The following APOLD1 variants were observed in gnomAD, a reference collection of about 807,000 sequenced individuals.
APOLD1 encodes the protein apolipoprotein L domain-containing protein 1.
Under a neutral mutation model 15.3 loss-of-function variants are expected in APOLD1, and 22 were observed. That is an observed-to-expected ratio of 1.44 (90% confidence interval 1.03 to 2.05). The LOEUF (loss-of-function observed/expected upper bound fraction) is 2.05, where lower values mean the gene tolerates loss of function less well. Ranked by LOEUF, APOLD1 falls within the 30% of genes most tolerant of loss-of-function variation. The probability of loss-of-function intolerance (pLI) is 0.00; values close to 1 mark genes in which losing one functional copy is unlikely to be tolerated. For synonymous variants in APOLD1, 190 were observed against 167.4 expected, an observed-to-expected ratio of 1.13 and a Z score of -1.04; for missense variants, 394 against 353.5, an observed-to-expected ratio of 1.11 and a Z score of -0.92.
chr12:12,748,958 G>C (rs1398244429), intron 1 of APOLD1, among the ~76,000 whole-genome samples: 1 of 152,228 alleles, frequency 6.6e-6, no homozygotes, highest in Non-Finnish European at 1.5e-5. Flanking sequence ...ACAGGAGAAA[G>C]TACTCAGAGG....
At chr12:12,761,621 T>C (rs1269876853) in intron 1 of APOLD1, among the ~76,000 whole-genome samples, 1 of 152,038 alleles carries the variant, frequency 6.6e-6, no homozygotes, top group African/African-American at 2.4e-5. Context: ...GTTTCTAATA[T>C]ATAATTCAGT....
intron 1 of APOLD1, among the ~76,000 whole-genome samples, chr12:12,734,718 A>G (rs1946669832): frequency 1.3e-5 from 2 of 152,254 alleles, no homozygotes; most frequent in African/African-American, 4.8e-5. Flanking sequence ...AGGCTGAACA[A>G]TAAACGTTTA....
At chr12:12,762,896 A>G (rs140263759) in intron 1 of APOLD1, among the ~76,000 whole-genome samples, 2,150 of 152,220 alleles carry the variant, frequency 0.014, 55 homozygotes, top group African/African-American at 0.049. Flanking sequence ...CTGTAACCCC[A>G]GCACTTTGGG....
intron 1 of APOLD1, among the ~76,000 whole-genome samples, chr12:12,778,685 A>T (rs1379885221): frequency 6.6e-6 from 1 of 152,066 alleles, no homozygotes; most frequent in Non-Finnish European, 1.5e-5. Flanking sequence ...ATGCCAGTGG[A>T]TGTGATGGCT....
At chr12:12,782,111 T>C (rs1349516907), upstream of APOLD1, among the ~76,000 whole-genome samples, 1 of 151,844 alleles carries the variant, frequency 6.6e-6, no homozygotes, top group Non-Finnish European at 1.5e-5. Context: ...ATACAAAAAT[T>C]AGCTGGGCAT....
intron 1 of APOLD1, among the ~76,000 whole-genome samples, chr12:12,747,707 G>A (rs1254259486): frequency 1.3e-5 from 2 of 152,194 alleles, no homozygotes; most frequent in Non-Finnish European, 2.9e-5. Context: ...TAAAAAGGAG[G>A]AGGGGTGCTT....
intron 1 of APOLD1, among the ~76,000 whole-genome samples, chr12:12,736,348 T>A (rs1344211292): frequency 8.6e-6 from 1 of 116,054 alleles, no homozygotes; most frequent in African/African-American, 3.4e-5. Context: ...TGAGAGTCTG[T>A]CTCAAAAAAA....
chr12:12,729,881 T>C (rs929423737), intron 1 of APOLD1, among the ~76,000 whole-genome samples: 7 of 152,138 alleles, frequency 4.6e-5, no homozygotes, highest in African/African-American at 1.7e-4. Flanking sequence ...GGGACATTTT[T>C]TTTTGAGACC....
intron 1 of APOLD1, among the ~76,000 whole-genome samples, chr12:12,773,111 A>G (rs1947001331): frequency 6.6e-6 from 1 of 152,160 alleles, no homozygotes; most frequent in Non-Finnish European, 1.5e-5. Context: ...TGAAAAACAC[A>G]ACTTACCAAA....
chr12:12,791,264 C>T lies in APOLD1; in HGVS notation c.*3612C>T, dbSNP rs1477141338. 1 of 152,090 alleles carries T rather than the reference C, an allele frequency of 6.6e-6. No homozygotes were observed. The highest frequency in any genetic ancestry group is 1.5e-5 in the Non-Finnish European group (1 of 68,024). The allele number at this position is 152,090 out of a possible 1,614,324, so 9.4% of individuals were successfully genotyped here. A position where few individuals can be genotyped will look rare whatever the true frequency, so the allele number is the denominator to read the frequency against. On this transcript the variant is annotated 3_prime_UTR_variant, in exon 2 of 2. Transcript: ENST00000356591. ...AGAGAGGAGTGGTTGTAGAAGTCTCCCTAAATCAGACATGTCAAGCAATCA... is the reference window on the plus strand; with the variant it reads ...AGAGAGGAGTGGTTGTAGAAGTCTCTCTAAATCAGACATGTCAAGCAATCA...
At position 12,787,079 on chromosome 12, in the gene APOLD1, C is replaced by A. The variant is rs994671802; in HGVS notation, c.174C>A (p.Ala58=). 8 of 1,395,748 alleles carry A rather than the reference C, an allele frequency of 5.7e-6. No homozygotes were observed. The African/African-American group carries it at 6.1e-5, about 11-fold the overall frequency. The allele number at this position is 1,395,748 out of a possible 1,614,324, so 86.5% of individuals were successfully genotyped here. Residue 58 remains alanine (A), a synonymous_variant, in exon 2 of 2, where the codon GCC becomes GCA. Transcript: ENST00000356591. The surrounding 1 kb of genome is among the most constrained non-coding windows in gnomAD (Gnocchi z 4.9). ...GGCGCTCCCTCGTAGCCAACGTGGC[C>A]GGCAGCTCGCTGAGCGCAACGGGCG... ...LRRRSLVANV[A]GSSLSATGAL...
intron 1 of APOLD1, among the ~76,000 whole-genome samples, chr12:12,735,156 T>C (rs1021774242): frequency 2.6e-5 from 4 of 152,046 alleles, no homozygotes; most frequent in African/African-American, 9.7e-5. Context: ...ACTCGGGAGT[T>C]TGAGGTGGAA....
At chr12:12,771,202 T>C (rs1946984572) in intron 1 of APOLD1, 1 of 155,958 alleles carries the variant, frequency 6.4e-6, no homozygotes, top group South Asian at 1.9e-4. Context: ...AAAAACTTTA[T>C]TTTTCTTATT....
intron 1 of APOLD1, among the ~76,000 whole-genome samples, chr12:12,729,576 G>C (rs1268620435): frequency 6.6e-6 from 1 of 151,964 alleles, no homozygotes. Context: ...AGCTCTTGCG[G>C]CCAGGATTTT....
At position 12,787,322 on chromosome 12, in the gene APOLD1, G is replaced by T. The variant is rs753284970; in HGVS notation, c.417G>T (p.Glu139Asp). 6.2e-7 allele frequency: 1 copy of T among 1,613,618 alleles called. No homozygotes were observed. Among genetic ancestry groups the T allele is most frequent in the East Asian group, 2.2e-5 (1 of 44,872 alleles). ...DQMREILSCL[E>D]FFCRWQGCGD... ...TGCGAGAGATCCTGAGCTGCCTCGA[G>T]TTTTTCTGCCGCTGGCAGGGCTGCG... is the stretch of plus-strand genomic sequence containing the variant. Residue 139 changes from glutamate (E) to aspartate (D), a missense_variant, in exon 2 of 2, where the codon GAG becomes GAT. Transcript: ENST00000356591. The surrounding 1 kb of genome is among the most constrained non-coding windows in gnomAD (Gnocchi z 4.9).
intron 1 of APOLD1, among the ~76,000 whole-genome samples, chr12:12,768,293 A>G (rs758996861): frequency 4.8e-5 from 7 of 144,506 alleles, no homozygotes; most frequent in Non-Finnish European, 7.7e-5. Context: ...TGTAGGTCTC[A>G]CAGGGTTTCC....
At chr12:12,755,471 G>T (rs765549783) in intron 1 of APOLD1, among the ~76,000 whole-genome samples, 4 of 152,174 alleles carry the variant, frequency 2.6e-5, no homozygotes, top group Admixed American at 6.5e-5. Context: ...AAAGTGAGAA[G>T]TTACAATCTG....
intron 1 of APOLD1, among the ~76,000 whole-genome samples, chr12:12,770,791 A>AC (rs1447078709): frequency 6.6e-6 from 1 of 151,514 alleles, no homozygotes; most frequent in Non-Finnish European, 1.5e-5. Flanking sequence ...AAAAAAAAAA[A>AC]AAACTCTACA....
intron 1 of APOLD1, among the ~76,000 whole-genome samples, chr12:12,756,683 CT>C (rs1303612335): frequency 6.6e-6 from 1 of 152,236 alleles, no homozygotes. Flanking sequence ...CTCTTCTCCC[CT>C]GTCCCCTGGA....
Sources: gnomAD v4.1 joint callset for allele counts (sites outside exome capture counted in the v4.1 genomes callset) on GRCh38, gnomAD v4.1.1 for gene constraint, Gnocchi (gnomAD v3.1) non-coding constraint, MANE v1.5 for transcripts, NCBI Gene and HGNC (gene_info 2026-07-23, HGNC 2026-07-21) for gene names.